FAM20C: variants seen among roughly 807,000 people sequenced by gnomAD.
FAM20C encodes FAM20C golgi associated secretory pathway kinase.
FAM20C carries 40 observed loss-of-function variants against 51.5 expected under a neutral mutation model. That is an observed-to-expected ratio of 0.78 (90% CI 0.60 to 1.01). The LOEUF (loss-of-function observed/expected upper bound fraction) is 1.01. Ranked by LOEUF, FAM20C falls within the 50% of genes least tolerant of loss-of-function variation. FAM20C has a pLI of 0.00. For synonymous variants in FAM20C, 406 were observed against 380.6 expected (o/e 1.07, Z -0.78); for missense variants, 861 against 844.7 (o/e 1.02, Z -0.24).
intron 3 of FAM20C, among the ~76,000 whole-genome samples, chr7:236,823 C>T (rs1010855495): frequency 4.1e-5 from 6 of 145,936 alleles, no homozygotes; most frequent in African/African-American, 1.1e-4. Context: ...GGGTTATGGT[C>T]GGGGTTTCAT....
At position 257,003 on chromosome 7, in the gene FAM20C, A is replaced by G. The variant is rs796051853; in HGVS notation, c.1364-2A>G. On this transcript the variant is annotated splice_acceptor_variant, in intron 7 of 9. Coordinates refer to ENST00000313766, the MANE Select transcript of FAM20C (RefSeq NM_020223.4). LOFTEE classifies it high-confidence loss of function. ...TGTGACACTTTCTGCCTCTCTCCGC[A>G]GGAAACATGGACCGTCACCACTACG... is the stretch of plus-strand genomic sequence containing the variant. The G allele has an allele frequency of 5.2e-6, 8 of 1,537,090 alleles. No homozygotes were observed. Among genetic ancestry groups the G allele is most frequent in the Non-Finnish European group, 7.0e-6 (8 of 1,146,876 alleles).
intron 3 of FAM20C, among the ~76,000 whole-genome samples, chr7:214,305 A>G (rs1179738660): frequency 2.0e-5 from 3 of 152,156 alleles, no homozygotes; most frequent in African/African-American, 4.8e-5. Context: ...AGCCTGGGCA[A>G]TAAGAGTGAA....
At position 258,668 on chromosome 7, in the gene FAM20C, G is replaced by C. The variant is rs1042913138; in HGVS notation, c.1468G>C (p.Glu490Gln). The C allele has an allele frequency of 1.3e-6, 2 of 1,536,588 alleles. No individual in the cohort carries two copies. The highest frequency in any genetic ancestry group is 1.2e-5 in the South Asian group (1 of 84,056). Residue 490 changes from glutamate (E) to glutamine (Q), a missense_variant, in exon 9 of 10, where the codon GAG becomes CAG. By Grantham distance (29) the Glu-to-Gln change is conservative. This residue lies in a region of FAM20C where 269 missense variants were observed against 283.8 expected (regional missense o/e 0.95). Transcript: ENST00000313766. The stretch of plus-strand genomic sequence containing the variant: ...AAGGTTTGGGAAGTATTCGCACGAC[G>C]AGCTCTCCATCCTGGTGCCGCTACA... ...GRGFGKYSHD[E>Q]LSILVPLQQC... is the part of the protein sequence containing the mutation.
At chr7:240,585 C>G (rs1787913468) in intron 3 of FAM20C, among the ~76,000 whole-genome samples, 1 of 152,142 alleles carries the variant, frequency 6.6e-6, no homozygotes, top group Admixed American at 6.5e-5. Context: ...AATGAGGTGG[C>G]AAGAGCTCAA....
At chr7:209,203 CCTA>C (rs1786589922) in intron 3 of FAM20C, among the ~76,000 whole-genome samples, 1 of 152,164 alleles carries the variant, frequency 6.6e-6, no homozygotes, top group South Asian at 2.1e-4. Flanking sequence ...GGACGGAAAA[CCTA>C]CTGCTGGTTA....
At chr7:215,080 G>T (rs1786896324) in intron 3 of FAM20C, among the ~76,000 whole-genome samples, 1 of 152,006 alleles carries the variant, frequency 6.6e-6, no homozygotes, top group Non-Finnish European at 1.5e-5. Context: ...ACGGGAGACA[G>T]GCAGCTACGT....
intron 3 of FAM20C, among the ~76,000 whole-genome samples, chr7:241,817 G>C (rs1246560019): frequency 4.6e-5 from 7 of 151,876 alleles, no homozygotes; most frequent in African/African-American, 1.7e-4. Context: ...ATGTGCATCT[G>C]TGTGTGTGCC....
intron 3 of FAM20C, among the ~76,000 whole-genome samples, chr7:245,407 G>A (rs1022244044): frequency 6.6e-6 from 1 of 151,894 alleles, no homozygotes; most frequent in Non-Finnish European, 1.5e-5. Context: ...GACATCCTGG[G>A]ACGGGCTCTC....
chr7:194,882 A>G (rs574632089), intron 1 of FAM20C, among the ~76,000 whole-genome samples: 2 of 152,120 alleles, frequency 1.3e-5, no homozygotes, highest in South Asian at 4.1e-4. Context: ...CCAGCCCAGC[A>G]GGCAGACGGA....
intron 5 of FAM20C, among the ~76,000 whole-genome samples, chr7:249,561 T>C (rs1467656437): frequency 2.6e-5 from 4 of 152,112 alleles, no homozygotes; most frequent in Non-Finnish European, 5.9e-5. Flanking sequence ...GGCAACGTGG[T>C]GAGACCCCTG....
chr7:193,732 CGGA>C lies in FAM20C; in HGVS notation c.540_542del (p.Glu180del). On this transcript the variant is annotated inframe_deletion, in exon 1 of 10. Transcript: ENST00000313766. ...TACCGGGTGGCGGTTCCGCCGCTCA[CGGA>C]GGAGGACGTCCTGTTCAATGTGAAC... is the stretch of plus-strand genomic sequence containing the variant. 1.3e-6 allele frequency: 2 copies of C among 1,547,492 alleles called. No homozygotes were observed. Among genetic ancestry groups the C allele is most frequent in the Non-Finnish European group, 1.7e-6 (2 of 1,145,424 alleles).
intron 3 of FAM20C, among the ~76,000 whole-genome samples, chr7:243,952 T>C (rs1452655527): frequency 6.8e-6 from 1 of 147,772 alleles, no homozygotes; most frequent in Non-Finnish European, 1.5e-5. Flanking sequence ...ATAATTATTA[T>C]TATTATTATT....
intron 9 of FAM20C, 79 bp downstream of exon 9, chr7:258,784 C>A: frequency 7.5e-7 from 1 of 1,327,712 alleles, no homozygotes. Context: ...ACAGCCTTCC[C>A]CACCCCACCC....
Position 193,355 on chromosome 7 carries a change from C to T in FAM20C, c.156C>T (p.Ala52=), listed in dbSNP as rs759042509. The T allele has an allele frequency of 1.6e-6, 2 of 1,268,350 alleles. No individual in the cohort carries two copies. Among genetic ancestry groups the T allele is most frequent in the South Asian group, 2.5e-5 (1 of 40,072 alleles). The allele number at this position is 1,268,350 out of a possible 1,614,324, so 78.6% of individuals were successfully genotyped here. ...GEPGCSCAQP[A]AEVAAPGWAQ... ...CCGGCTGTTCGTGCGCGCAGCCCGC[C>T]GCCGAGGTGGCCGCGCCCGGCTGGG... The change falls in exon 1 of 10, where the codon GCC becomes GCT. Residue 52 remains alanine, a synonymous_variant. Transcript: ENST00000313766.
intron 2 of FAM20C, among the ~76,000 whole-genome samples, chr7:202,027 A>G (rs1338260776): frequency 6.6e-6 from 1 of 152,250 alleles, no homozygotes; most frequent in Non-Finnish European, 1.5e-5. Flanking sequence ...TCCGGGCGAT[A>G]GGATTCTTCA....
At chr7:217,428 ATTTGG>A (rs1787051042) in intron 3 of FAM20C, among the ~76,000 whole-genome samples, 1 of 151,676 alleles carries the variant, frequency 6.6e-6, no homozygotes, top group African/African-American at 2.4e-5. Flanking sequence ...GTAGAGCTGC[ATTTGG>A]CTGTTTGTGC....
At chr7:217,386 G>A (rs1787032979) in intron 3 of FAM20C, among the ~76,000 whole-genome samples, 2 of 118,730 alleles carry the variant, frequency 1.7e-5, no homozygotes, top group Non-Finnish European at 3.6e-5. Flanking sequence ...CTGTGGGTGA[G>A]CTCCAGCCCC....
intron 3 of FAM20C, among the ~76,000 whole-genome samples, chr7:214,636 C>T (rs1341574493): frequency 6.6e-6 from 1 of 152,138 alleles, no homozygotes; most frequent in Non-Finnish European, 1.5e-5. Context: ...CCTCCTGGAA[C>T]TCAGCGTACC....
In FAM20C at chr7:228,762, A is replaced by T. The variant is rs1267207529; in HGVS notation, c.864-17653A>T. 3 of 456,180 alleles carry T rather than the reference A, an allele frequency of 6.6e-6. No homozygotes were observed. The East Asian group carries it at 2.1e-4, about 32-fold the overall frequency. The allele number at this position is 456,180 out of a possible 1,614,324, so 28.3% of individuals were successfully genotyped here. A position where few individuals can be genotyped will look rare whatever the true frequency, so the allele number is the denominator to read the frequency against. On this transcript the variant is annotated intron_variant, in intron 3 of 9. Transcript: ENST00000313766. ...TCCTCCACCAAGAGTGACCTGACTG[A>T]ACAGACGCCACGACTCTCACGGCTC...
Sources: gnomAD v4.1 joint callset for allele counts (sites outside exome capture counted in the v4.1 genomes callset) on GRCh38, gnomAD v4.1.1 for gene constraint, gnomAD v4.1.1 regional missense constraint, MANE v1.5 for transcripts, NCBI Gene and HGNC (gene_info 2026-07-23, HGNC 2026-07-21) for gene names.